TMEM86A: variants seen among roughly 807,000 people sequenced by gnomAD.
The protein encoded by TMEM86A is lysoplasmalogenase TMEM86A.
A neutral mutation model predicts 19.8 loss-of-function variants in TMEM86A; 13 were observed. That is an observed-to-expected ratio of 0.66 (90% CI 0.43 to 1.04). TMEM86A has a LOEUF of 1.04. TMEM86A is among the 50% of genes least tolerant of loss of function. The pLI is 0.00. For synonymous variants in TMEM86A, 128 were observed against 129.9 expected (o/e 0.99, Z 0.10); for missense variants, 248 against 306.8 (o/e 0.81, Z 1.43).
chr11:18,700,957 G>C lies in TMEM86A; in HGVS notation c.46G>C (p.Val16Leu). Reference protein sequence around the residue: ...TVVKSEGPKLVPFFKATCVYF... With the variant: ...TVVKSEGPKLLPFFKATCVYF... Reference sequence around the variant, plus strand: ...GGTGAAGAGTGAAGGACCCAAACTGGTGCCGTTCTTCAAGGCCACCTGCGT... The same window carrying C: ...GGTGAAGAGTGAAGGACCCAAACTGCTGCCGTTCTTCAAGGCCACCTGCGT... Residue 16 changes from valine to leucine, a missense_variant, in exon 2 of 3, where the codon GTG (valine) becomes CTG (leucine). Physicochemically the swap from Val to Leu is conservative, Grantham distance 32. Transcript: ENST00000280734. 6.2e-7 allele frequency: 1 copy of C among 1,614,108 alleles called. No individual in the cohort carries two copies. Among genetic ancestry groups the C allele is most frequent in the Non-Finnish European group, 8.5e-7 (1 of 1,180,010 alleles).
At position 18,701,685 on chromosome 11, in the gene TMEM86A, C is replaced by T; in HGVS notation, c.399C>T (p.Ala133=). 6.2e-7 allele frequency: 1 copy of T among 1,613,952 alleles called. No homozygotes were observed. Among genetic ancestry groups the T allele is most frequent in the Non-Finnish European group, 8.5e-7 (1 of 1,179,904 alleles). The change falls in exon 3 of 3, where the codon GCC becomes GCT. Residue 133 remains alanine (A), a synonymous_variant. Coordinates refer to ENST00000280734, the MANE Select transcript of TMEM86A (RefSeq NM_153347.3). This position sits in a 1 kb window ranked among gnomAD's most constrained non-coding sequence, Gnocchi z 5.3. ...CAGCGCTGTCGGGCCTGTGCTATGC[C>T]CTCCTCTACCCATGCCTCTCAGGTG... ...VMAALSGLCY[A]LLYPCLSGAF... is the part of the protein sequence containing the mutation.
Position 18,704,695 on chromosome 11 carries a change from T to C in TMEM86A, c.*2686T>C. The C allele has an allele frequency of 1.6e-6, 1 of 618,700 alleles. No homozygotes were observed. The highest frequency in any genetic ancestry group is 2.8e-5 in the East Asian group (1 of 35,594). 38.3% of individuals were successfully genotyped at this position (618,700 alleles called of 1,614,324 possible). On this transcript the variant is annotated 3_prime_UTR_variant, in exon 3 of 3. Transcript: ENST00000280734. The stretch of plus-strand genomic sequence containing the variant: ...GAAGGGGCAAGAGCTGCCATTTATC[T>C]AGCACTTAATATTTGCCAGACATTG...
At position 18,700,939 on chromosome 11, in the gene TMEM86A, A is replaced by G. The variant is rs1378012072; in HGVS notation, c.28A>G (p.Ser10Gly). 1.2e-6 allele frequency: 2 copies of G among 1,613,868 alleles called. No homozygotes were observed. The highest frequency in any genetic ancestry group is 1.7e-6 in the Non-Finnish European group (2 of 1,179,970). Residue 10 changes from serine (S) to glycine (G), a missense_variant, in exon 2 of 3, where the codon AGT becomes GGT. By Grantham distance (56) the Ser-to-Gly change is moderately conservative. Transcript: ENST00000280734. Reference sequence around the variant, plus strand: ...CTTGTCCTGTGTCCTCCAGGTGAAGAGTGAAGGACCCAAACTGGTGCCGTT... The same window carrying G: ...CTTGTCCTGTGTCCTCCAGGTGAAGGGTGAAGGACCCAAACTGGTGCCGTT... MVSPVTVVK[S>G]EGPKLVPFFK...
chr11:18,698,861 G>T lies in TMEM86A; in HGVS notation c.-26G>T. 1.5e-6 allele frequency: 1 copy of T among 676,014 alleles called. No homozygotes were observed. The highest frequency in any genetic ancestry group is 3.1e-5 in the East Asian group (1 of 32,632). The allele number at this position is 676,014 out of a possible 1,614,324, so 41.9% of individuals were successfully genotyped here. A position where few individuals can be genotyped will look rare whatever the true frequency, so the allele number is the denominator to read the frequency against. ...GTCCTGGCCGCTGCAGCCCGGAGCA[G>T]GGTGCCAGCCGCCGCCGCCGCCGCC... On this transcript the variant is annotated 5_prime_UTR_variant, in exon 1 of 3. In the 5' UTR this introduces an upstream ATG that the reference lacks. Transcript: ENST00000280734.
At position 18,701,157 on chromosome 11, in the gene TMEM86A, C is replaced by G; in HGVS notation, c.246C>G (p.Asp82Glu). 6.2e-7 allele frequency: 1 copy of G among 1,613,880 alleles called. No homozygotes were observed. The highest frequency in any genetic ancestry group is 8.5e-7 in the Non-Finnish European group (1 of 1,180,024). ...GGCTTGTCTTCTCTGCTGTAGGTGA[C>G]GCCTTCCTCATCTGGCAGGACCAAG... The part of the protein sequence containing the change: ...FVGLVFSAVG[D>E]AFLIWQDQGY... The change falls in exon 2 of 3, where the codon GAC becomes GAG. Residue 82 changes from aspartate (D) to glutamate (E), a missense_variant. By Grantham distance (45) the Asp-to-Glu change is conservative. Transcript: ENST00000280734. The surrounding 1 kb of genome is among the most constrained non-coding windows in gnomAD (Gnocchi z 5.3).
Position 18,704,728 on chromosome 11 carries a change from C to T in TMEM86A, c.*2719C>T, listed in dbSNP as rs1315250685. ...AATATTTGCCAGACATTGTGCCAGG[C>T]AGTTGTGTACTGTCTCATTTAAGCC... is the stretch of plus-strand genomic sequence containing the variant. On this transcript the variant is annotated 3_prime_UTR_variant, in exon 3 of 3. Coordinates refer to ENST00000280734, the MANE Select transcript of TMEM86A (RefSeq NM_153347.3). The T allele has an allele frequency of 3.4e-5, 20 of 581,214 alleles. No homozygotes were observed. Among genetic ancestry groups the T allele is most frequent in the Non-Finnish European group, 4.9e-5 (16 of 323,464 alleles). 36.0% of individuals were successfully genotyped at this position (581,214 alleles called of 1,614,324 possible).
rs1426371178 is a variant in TMEM86A, at chr11:18,703,570, C to A, written c.*1561C>A. The A allele has an allele frequency of 6.6e-6, 1 of 152,230 alleles. No individual in the cohort carries two copies. The highest frequency in any genetic ancestry group is 1.5e-5 in the Non-Finnish European group (1 of 68,040). 9.4% of individuals were successfully genotyped at this position (152,230 alleles called of 1,614,324 possible). ...AGCAATGGGATTAGATTGGCTGATT[C>A]ATTCATTAGTTGTAAAGCCCTGGCA... On this transcript the variant is annotated 3_prime_UTR_variant, in exon 3 of 3. Coordinates refer to ENST00000280734, the MANE Select transcript of TMEM86A (RefSeq NM_153347.3).
rs1848129320 is a variant in TMEM86A at position 18,699,232 on chromosome 11, C to G, written c.21+325C>G. ...GGAGAGGGAGGGGACCGCTGCCGGCCGCAGAGTTCCGCGTAGGCGGACCAC... is the reference window on the plus strand; with the variant it reads ...GGAGAGGGAGGGGACCGCTGCCGGCGGCAGAGTTCCGCGTAGGCGGACCAC... On this transcript the variant is annotated intron_variant, in intron 1 of 2. Coordinates refer to ENST00000280734, the MANE Select transcript of TMEM86A (RefSeq NM_153347.3). This position sits in a 1 kb window ranked among gnomAD's most constrained non-coding sequence, Gnocchi z 4.0. 6.6e-6 allele frequency among the ~76,000 whole-genome samples: 1 copy of G among 152,178 alleles called. No individual in the cohort carries two copies. The highest frequency in any genetic ancestry group is 1.5e-5 in the Non-Finnish European group (1 of 68,024).
At position 18,700,867 on chromosome 11, in the gene TMEM86A, C is replaced by T. The variant is rs1848143161; in HGVS notation, c.22-66C>T. On this transcript the variant is annotated intron_variant, in intron 1 of 2. Coordinates refer to ENST00000280734, the MANE Select transcript of TMEM86A (RefSeq NM_153347.3). ...ATGGGAGTGTCTCTGGGGTGGATGC[C>T]TAGGCTGAGGGTGCTGGCTTTCAAC... 1.9e-6 allele frequency: 3 copies of T among 1,582,454 alleles called. No individual in the cohort carries two copies. The Admixed American group carries it at 5.1e-5, about 27-fold the overall frequency.
Position 18,698,787 on chromosome 11 carries a change from T to G in TMEM86A, c.-100T>G. 1 of 637,316 alleles carries G rather than the reference T, an allele frequency of 1.6e-6. No homozygotes were observed. The allele number at this position is 637,316 out of a possible 1,614,324, so 39.5% of individuals were successfully genotyped here. On this transcript the variant is annotated 5_prime_UTR_variant, in exon 1 of 3. Transcript: ENST00000280734. ...CCGGGCGCTCGGGAGGTATTGTCCG[T>G]CCCTCCGGGCTTTGTAGAATCGTCG...
At position 18,704,364 on chromosome 11, in the gene TMEM86A, A is replaced by G; in HGVS notation, c.*2355A>G. ...CCCTTCACTGAATGTTTACATTAACAAACACCAGAGAGCAAACTGGGCTTC... is the reference window on the plus strand; with the variant it reads ...CCCTTCACTGAATGTTTACATTAACGAACACCAGAGAGCAAACTGGGCTTC... On this transcript the variant is annotated 3_prime_UTR_variant, in exon 3 of 3. Coordinates refer to ENST00000280734, the MANE Select transcript of TMEM86A (RefSeq NM_153347.3). 1.3e-6 allele frequency: 1 copy of G among 751,652 alleles called. No individual in the cohort carries two copies. The highest frequency in any genetic ancestry group is 2.3e-6 in the Non-Finnish European group (1 of 429,096). 46.6% of individuals were successfully genotyped at this position (751,652 alleles called of 1,614,324 possible).
rs1309901113 is a variant in TMEM86A at position 18,700,987 on chromosome 11, T to C, written c.76T>C (p.Phe26Leu). The change falls in exon 2 of 3, where the codon TTT becomes CTT. Residue 26 changes from phenylalanine to leucine, a missense_variant. Physicochemically the swap from Phe to Leu is conservative, Grantham distance 22 (BLOSUM62 0). Coordinates refer to ENST00000280734, the MANE Select transcript of TMEM86A (RefSeq NM_153347.3). ...VPFFKATCVY[F>L]VLWLPSSSPS... is the part of the protein sequence containing the mutation. Reference sequence around the variant, plus strand: ...GTTCTTCAAGGCCACCTGCGTGTATTTTGTGCTCTGGCTGCCCTCATCTAG... The same window carrying C: ...GTTCTTCAAGGCCACCTGCGTGTATCTTGTGCTCTGGCTGCCCTCATCTAG... 6.2e-7 allele frequency: 1 copy of C among 1,614,046 alleles called. No homozygotes were observed. Among genetic ancestry groups the C allele is most frequent in the East Asian group, 2.2e-5 (1 of 44,870 alleles).
At position 18,704,258 on chromosome 11, in the gene TMEM86A, T is replaced by C. The variant is rs1204322594; in HGVS notation, c.*2249T>C. 1 of 544,570 alleles carries C rather than the reference T, an allele frequency of 1.8e-6. No individual in the cohort carries two copies. Among genetic ancestry groups the C allele is most frequent in the Admixed American group, 3.1e-5 (1 of 32,720 alleles). The allele number at this position is 544,570 out of a possible 1,614,324, so 33.7% of individuals were successfully genotyped here. ...GGTCCAGGTCTGGGATTCCCTATCATGCAATCACATCCATCCCCTTGGTCC... is the reference window on the plus strand; with the variant it reads ...GGTCCAGGTCTGGGATTCCCTATCACGCAATCACATCCATCCCCTTGGTCC... On this transcript the variant is annotated 3_prime_UTR_variant, in exon 3 of 3. Transcript: ENST00000280734.
chr11:18,700,902 C>G, intron 1 of TMEM86A, 31 bp from the exon 2 acceptor site: 1 of 1,608,834 alleles, frequency 6.2e-7, no homozygotes, highest in South Asian at 1.1e-5. Context: ...CCCCCAAGTT[C>G]TGAGTGCTGC....
intron 1 of TMEM86A, chr11:18,700,712 C>T: frequency 1.6e-6 from 1 of 617,700 alleles, no homozygotes; most frequent in Non-Finnish European, 2.8e-6. Flanking sequence ...AAGGGTGCCC[C>T]TCCTAATATA....
rs1214991933 is a variant in TMEM86A at position 18,701,967 on chromosome 11, C to T, written c.681C>T (p.Ser227=). 6.2e-7 allele frequency: 1 copy of T among 1,611,146 alleles called. No homozygotes were observed. The highest frequency in any genetic ancestry group is 8.5e-7 in the Non-Finnish European group (1 of 1,180,022). Residue 227 remains serine, a synonymous_variant, in exon 3 of 3, where the codon AGC becomes AGT. Coordinates refer to ENST00000280734, the MANE Select transcript of TMEM86A (RefSeq NM_153347.3). This position sits in a 1 kb window ranked among gnomAD's most constrained non-coding sequence, Gnocchi z 5.3. The part of the protein sequence containing the change: ...QMLVALSAVE[S]REPVEHYRLT... The stretch of plus-strand genomic sequence containing the variant: ...TCGTCGCCTTGTCAGCTGTCGAAAG[C>T]CGGGAGCCTGTGGAACACTACAGAC...
intron 1 of TMEM86A, 21 bp from the exon 2 acceptor site, chr11:18,700,912 C>T (rs774461847): frequency 4.3e-6 from 7 of 1,612,970 alleles, no homozygotes; most frequent in Non-Finnish European, 5.9e-6. Context: ...CTGAGTGCTG[C>T]CCTTGTCCTG....
In TMEM86A at chr11:18,699,828, G is replaced by A. The variant is rs1356192053; in HGVS notation, c.21+921G>A. On this transcript the variant is annotated intron_variant, in intron 1 of 2. Transcript: ENST00000280734. This position sits in a 1 kb window ranked among gnomAD's most constrained non-coding sequence, Gnocchi z 4.0. ...CTGATCAGTCCTTAGGTACCTGGTCGTCTGGACTCTGAGTGTTTCCCAAGT... is the reference window on the plus strand; with the variant it reads ...CTGATCAGTCCTTAGGTACCTGGTCATCTGGACTCTGAGTGTTTCCCAAGT... The A allele has an allele frequency of 1.3e-5, 2 of 152,360 alleles. No individual in the cohort carries two copies. Among genetic ancestry groups the A allele is most frequent in the Non-Finnish European group, 1.5e-5 (1 of 68,192 alleles). The allele number at this position is 152,360 out of a possible 1,614,324, so 9.4% of individuals were successfully genotyped here.
At chr11:18,700,133 TC>T (rs1346724753) in intron 1 of TMEM86A, 1 of 152,160 alleles carries the variant, frequency 6.6e-6, no homozygotes, top group Non-Finnish European at 1.5e-5. Flanking sequence ...GTTCCCCATC[TC>T]CCAGCCTGTC....
Sources: allele counts gnomAD v4.1 joint callset (sites outside exome capture counted in the v4.1 genomes callset), GRCh38; gene constraint gnomAD v4.1.1; non-coding constraint Gnocchi (gnomAD v3.1); transcripts MANE v1.5; gene names NCBI Gene and HGNC (gene_info 2026-07-23, HGNC 2026-07-21).